Variants in KMT2C observed in about 807,000 individuals in gnomAD.
KMT2C encodes lysine methyltransferase 2C, also known as histone-lysine N-methyltransferase 2C.
Under a neutral mutation model 507.9 loss-of-function variants are expected in KMT2C, and 88 were observed. That is an observed-to-expected ratio of 0.17 (90% confidence interval 0.15 to 0.21). The LOEUF (loss-of-function observed/expected upper bound fraction) is 0.21, where lower values mean the gene tolerates loss of function less well. KMT2C is among the 10% of genes least tolerant of loss of function. KMT2C has a pLI of 1.00. For synonymous variants in KMT2C, 2,049 were observed against 2,080.8 expected, an observed-to-expected ratio of 0.98 and a Z score of 0.42; for missense variants, 4,954 against 5,957.8, an observed-to-expected ratio of 0.83 and a Z score of 5.55.
chr7:152,328,234 TGGA>T (rs1416490543), intron 3 of KMT2C, among the ~76,000 whole-genome samples: 2 of 152,160 alleles, frequency 1.3e-5, no homozygotes, highest in East Asian at 1.9e-4. Context: ...CAAAAAATAT[TGGA>T]GGAGGAGGAG....
intron 2 of KMT2C, among the ~76,000 whole-genome samples, chr7:152,344,145 G>A (rs1206776071): frequency 1.3e-5 from 2 of 152,148 alleles, no homozygotes; most frequent in South Asian, 2.1e-4. Flanking sequence ...CAAGGGATGC[G>A]AGGAAGGAAT....
chr7:152,142,680 TACAC>T (rs1294023272), intron 55 of KMT2C, among the ~76,000 whole-genome samples: 1 of 152,142 alleles, frequency 6.6e-6, no homozygotes, highest in Non-Finnish European at 1.5e-5. Flanking sequence ...ATAAATCAAA[TACAC>T]ACTCATCAGT....
chr7:152,395,928 A>G (rs1203442741), intron 1 of KMT2C, among the ~76,000 whole-genome samples: 1 of 152,224 alleles, frequency 6.6e-6, no homozygotes, highest in African/African-American at 2.4e-5. Context: ...TGATGCTGAT[A>G]AAGTGCTTCC....
At chr7:152,210,112 G>A (rs776003001) in intron 23 of KMT2C, among the ~76,000 whole-genome samples, 45 of 152,014 alleles carry the variant, frequency 3.0e-4, no homozygotes, top group Non-Finnish European at 4.4e-4. Flanking sequence ...TCCTGCTCCC[G>A]CTGCCAGACC....
intron 25 of KMT2C, among the ~76,000 whole-genome samples, chr7:152,204,636 T>TAGATAGATAGATAGACAGAC (rs376481420): frequency 7.8e-6 from 1 of 127,476 alleles, no homozygotes; most frequent in African/African-American, 2.8e-5. Context: ...GATAGATAGA[T>TAGATAGATAGATAGACAGAC]AGACAGACAG....
At chr7:152,369,280 G>A (rs1044111321) in intron 1 of KMT2C, among the ~76,000 whole-genome samples, 3 of 150,884 alleles carry the variant, frequency 2.0e-5, no homozygotes, top group South Asian at 2.1e-4. Context: ...CCAAGATCAC[G>A]CCACCACACT....
chr7:152,309,713 G>T (rs1217506431), intron 6 of KMT2C, among the ~76,000 whole-genome samples: 19 of 151,446 alleles, frequency 1.3e-4, no homozygotes, highest in Admixed American at 1.3e-3. Context: ...TAGAGAAGGG[G>T]TTTTACCATG....
chr7:152,296,444 A>AG (rs2096496929), intron 6 of KMT2C, among the ~76,000 whole-genome samples: 1 of 151,448 alleles, frequency 6.6e-6, no homozygotes, highest in Non-Finnish European at 1.5e-5. Flanking sequence ...AAAAAAAAAA[A>AG]AAGAGAGAGA....
At chr7:152,259,423 CA>C (rs1327597239) in intron 9 of KMT2C, among the ~76,000 whole-genome samples, 2 of 146,706 alleles carry the variant, frequency 1.4e-5, no homozygotes, top group Non-Finnish European at 1.5e-5. Context: ...GGAATAGAGA[CA>C]AAAACACAGA....
intron 28 of KMT2C, among the ~76,000 whole-genome samples, 194 bp from the exon 29 acceptor site, chr7:152,194,762 C>T (rs984207877): frequency 2.0e-5 from 3 of 150,562 alleles, no homozygotes; most frequent in South Asian, 2.1e-4. Context: ...TATTTGTATT[C>T]GGTGCCATGT....
In KMT2C at chr7:152,435,942, G is replaced by A. The variant is rs1283195676; in HGVS notation, c.-156C>T. On this transcript the variant is annotated 5_prime_UTR_variant, in exon 1 of 59. Transcript: ENST00000262189. ...CCGGGAGCAGCAGCAGGTACCGGGA[G>A]AGGCGGCAACATGGAGCGAGCAGGA... 2 of 721,174 alleles carry A rather than the reference G, an allele frequency of 2.8e-6. No homozygotes were observed. The highest frequency in any genetic ancestry group is 1.9e-5 in the African/African-American group (1 of 52,786). 44.7% of individuals were successfully genotyped at this position (721,174 alleles called of 1,614,324 possible). A position where few individuals can be genotyped will look rare whatever the true frequency, so the allele number is the denominator to read the frequency against.
intron 22 of KMT2C, among the ~76,000 whole-genome samples, chr7:152,221,229 C>T (rs1171632821): frequency 4.6e-5 from 7 of 152,182 alleles, no homozygotes; most frequent in Admixed American, 6.5e-5. Context: ...TGCACTCCAG[C>T]CTGGGCGACA....
At position 152,146,679 on chromosome 7, in the gene KMT2C, G is replaced by A. The variant is rs2091131884; in HGVS notation, c.13951C>T (p.Leu4651Phe). 6.2e-7 allele frequency: 1 copy of A among 1,613,934 alleles called. No homozygotes were observed. The highest frequency in any genetic ancestry group is 8.5e-7 in the Non-Finnish European group (1 of 1,179,950). ...TTTAAATACGCTGGGAAAAGCTGGAGCATTTCAGACTTTTTTCTCACACAT... is the reference window on the plus strand; with the variant it reads ...TTTAAATACGCTGGGAAAAGCTGGAACATTTCAGACTTTTTTCTCACACAT... Reference protein sequence around the residue: ...VACVRKKSEMLQLFPAYLKGE... With the variant: ...VACVRKKSEMFQLFPAYLKGE... The change falls in exon 53 of 59, where the codon CTC (leucine) becomes TTC (phenylalanine). Residue 4651 changes from leucine to phenylalanine, a missense_variant. Transcript: ENST00000262189.
Position 152,312,087 on chromosome 7 carries a change from C to T in KMT2C, c.591-141G>A. On this transcript the variant is annotated intron_variant, in intron 4 of 58. Transcript: ENST00000262189. ...TCATAAAACAACTTTTAGAATTCATCTGTTAGTATTATCCATGGTATAATA... is the reference window on the plus strand; with the variant it reads ...TCATAAAACAACTTTTAGAATTCATTTGTTAGTATTATCCATGGTATAATA... 4 of 548,550 alleles carry T rather than the reference C, an allele frequency of 7.3e-6. No individual in the cohort carries two copies. In the South Asian group the frequency reaches 1.4e-4, roughly 20 times the overall value. 34.0% of individuals were successfully genotyped at this position (548,550 alleles called of 1,614,324 possible).
intron 23 of KMT2C, 106 bp downstream of exon 23, chr7:152,220,416 TA>T: frequency 1.1e-6 from 1 of 874,308 alleles, no homozygotes; most frequent in Non-Finnish European, 1.8e-6. Context: ...AGGGGTTAAC[TA>T]AGTCAGTGTG....
chr7:152,148,865 T>C lies in KMT2C; in HGVS notation c.13062A>G (p.Gly4354=), dbSNP rs1205476755. 2 of 1,614,222 alleles carry C rather than the reference T, an allele frequency of 1.2e-6. No individual in the cohort carries two copies. The highest frequency in any genetic ancestry group is 1.7e-6 in the Non-Finnish European group (2 of 1,180,044). Residue 4354 remains glycine, a synonymous_variant, in exon 52 of 59, where the codon GGA becomes GGG. Coordinates refer to ENST00000262189, the MANE Select transcript of KMT2C (RefSeq NM_170606.3). The surrounding 1 kb of genome is among the most constrained non-coding windows in gnomAD (Gnocchi z 7.1). ...GAATGCTCCACTTCTTCCATTTCATTCCTCTCCATTTTTTATTGAGCGGCC... is the reference window on the plus strand; with the variant it reads ...GAATGCTCCACTTCTTCCATTTCATCCCTCTCCATTTTTTATTGAGCGGCC... ...DCRPLNKKWR[G]MKWKKWSIHI...
chr7:152,233,745 T>G (rs1273827428), intron 16 of KMT2C, among the ~76,000 whole-genome samples: 1 of 152,148 alleles, frequency 6.6e-6, no homozygotes, highest in Non-Finnish European at 1.5e-5. Flanking sequence ...CTTTAATTTG[T>G]CAAGATAGAC....
intron 1 of KMT2C, among the ~76,000 whole-genome samples, chr7:152,408,244 T>G (rs2097641384): frequency 6.6e-6 from 1 of 151,306 alleles, no homozygotes. Context: ...GCCAAAATCG[T>G]GCCACTGCAC....
Position 152,152,733 on chromosome 7 carries a change from A to G in KMT2C, c.12498T>C (p.Pro4166=), listed in dbSNP as rs2129097457. ...RLVSSYRLKQ[P]NVPFPPTSNG... is the part of the protein sequence containing the mutation. ...TGCTTGTTGGAGGAAATGGTACATT[A>G]GGCTGCTTCAGCCGGTAAGAGCTCA... The change falls in exon 49 of 59, where the codon CCT becomes CCC. Residue 4166 remains proline, a synonymous_variant. Transcript: ENST00000262189. 1 of 1,614,230 alleles carries G rather than the reference A, an allele frequency of 6.2e-7. No homozygotes were observed. Among genetic ancestry groups the G allele is most frequent in the Non-Finnish European group, 8.5e-7 (1 of 1,180,038 alleles).
Sources: allele counts gnomAD v4.1 joint callset (sites outside exome capture counted in the v4.1 genomes callset), GRCh38; gene constraint gnomAD v4.1.1; non-coding constraint Gnocchi (gnomAD v3.1); transcripts MANE v1.5; gene names NCBI Gene and HGNC (gene_info 2026-07-23, HGNC 2026-07-21).